GNB5: variants seen among roughly 807,000 people sequenced by gnomAD.
GNB5 encodes the protein guanine nucleotide-binding protein subunit beta-5.
Under a neutral mutation model 55.3 loss-of-function variants are expected in GNB5, and 37 were observed. The observed-to-expected ratio is 0.67, with a 90% CI of 0.51 to 0.88. The LOEUF (loss-of-function observed/expected upper bound fraction) is 0.88. Ranked by LOEUF, GNB5 falls within the 40% of genes least tolerant of loss-of-function variation. GNB5 has a pLI of 0.00. For missense variants in GNB5, 476 were observed against 515.3 expected (o/e 0.92, Z 0.74); for synonymous variants, 219 against 198.5 (o/e 1.10, Z -0.87).
chr15:52,165,433 A>G (rs899896560), intron 3 of GNB5, among the ~76,000 whole-genome samples: 5 of 152,204 alleles, frequency 3.3e-5, no homozygotes, highest in Non-Finnish European at 5.9e-5. Flanking sequence ...GACTGAAATG[A>G]AAGAAAAAAT....
chr15:52,159,975 TCTCA>T (rs1555407501), intron 3 of GNB5, among the ~76,000 whole-genome samples: 2 of 146,406 alleles, frequency 1.4e-5, no homozygotes, highest in Non-Finnish European at 1.5e-5. Flanking sequence ...TGAGATGGAG[TCTCA>T]CTCTGTTGCC....
At position 52,124,486 on chromosome 15, in the gene GNB5, T is replaced by G; in HGVS notation, c.1163A>C (p.Asp388Ala). 2 of 1,613,636 alleles carry G rather than the reference T, an allele frequency of 1.2e-6. No homozygotes were observed. Among genetic ancestry groups the G allele is most frequent in the Non-Finnish European group, 1.7e-6 (2 of 1,179,584 alleles). The change falls in exon 12 of 13, where the codon GAT (aspartate) becomes GCT (alanine). Residue 388 changes from aspartate (D) to alanine (A), a missense_variant. Coordinates refer to ENST00000261837, the MANE Select transcript of GNB5 (RefSeq NM_016194.4). The part of the protein sequence containing the change: ...DGTAFCSGSW[D>A]HTLRVWA ...CATCCCTCTTACTCTGAGGGTATGATCCCATGATCCAGAGCAGAAAGCAGT... is the reference window on the plus strand; with the variant it reads ...CATCCCTCTTACTCTGAGGGTATGAGCCCATGATCCAGAGCAGAAAGCAGT...
Position 52,128,379 on chromosome 15 carries a change from G to C in GNB5, c.864-135C>G, listed in dbSNP as rs1218901603. On this transcript the variant is annotated intron_variant, in intron 9 of 12. Coordinates refer to ENST00000261837, the MANE Select transcript of GNB5 (RefSeq NM_016194.4). ...ACATTTGCAGCAGAAGACGGAAGAG[G>C]AAGCTCCTATGTCAGGCCCACTGAT... is the stretch of plus-strand genomic sequence containing the variant. 9 of 670,226 alleles carry C rather than the reference G, an allele frequency of 1.3e-5. No individual in the cohort carries two copies. In the East Asian group the frequency reaches 2.4e-4, roughly 18 times the overall value. The allele number at this position is 670,226 out of a possible 1,614,324, so 41.5% of individuals were successfully genotyped here. A position where few individuals can be genotyped will look rare whatever the true frequency, so the allele number is the denominator to read the frequency against.
rs992430937 is a variant in GNB5, at chr15:52,121,827, C to T, written c.*930G>A. On this transcript the variant is annotated 3_prime_UTR_variant, in exon 13 of 13. Transcript: ENST00000261837. ...CACCGTGGTCTCGAACTCCTGACCT[C>T]GTGATCCGCCCGCCTCGGCCTCCCA... 2.0e-5 allele frequency: 3 copies of T among 152,048 alleles called. No homozygotes were observed. The highest frequency in any genetic ancestry group is 2.1e-4 in the South Asian group (1 of 4,824). 9.4% of individuals were successfully genotyped at this position (152,048 alleles called of 1,614,324 possible). A position where few individuals can be genotyped will look rare whatever the true frequency, so the allele number is the denominator to read the frequency against.
chr15:52,167,312 C>G (rs567954378), intron 3 of GNB5, among the ~76,000 whole-genome samples: 2 of 152,286 alleles, frequency 1.3e-5, no homozygotes, highest in East Asian at 3.9e-4. Context: ...AGGGACTCCT[C>G]CCTAACTCAT....
At chr15:52,159,117 A>G (rs1471458766) in intron 3 of GNB5, among the ~76,000 whole-genome samples, 5 of 152,226 alleles carry the variant, frequency 3.3e-5, no homozygotes, top group African/African-American at 1.2e-4. Flanking sequence ...TTTTTACATC[A>G]ATATTTTTTA....
chr15:52,169,773 G>C (rs757163860), intron 3 of GNB5, among the ~76,000 whole-genome samples: 5 of 152,018 alleles, frequency 3.3e-5, no homozygotes, highest in Middle Eastern at 3.2e-3. Context: ...CTACATCAGA[G>C]TGAAGGGACA....
intron 3 of GNB5, among the ~76,000 whole-genome samples, chr15:52,173,566 C>A (rs916222623): frequency 1.3e-5 from 2 of 152,102 alleles, no homozygotes; most frequent in African/African-American, 4.8e-5. Context: ...GTGTGACTGG[C>A]GATAGTGAGC....
chr15:52,148,150 G>A (rs1011817588), intron 5 of GNB5, among the ~76,000 whole-genome samples: 2 of 151,634 alleles, frequency 1.3e-5, no homozygotes, highest in Non-Finnish European at 2.9e-5. Context: ...TTCTTTGGAA[G>A]GTATGCCCAA....
rs977627428 is a variant in GNB5, at chr15:52,117,102, A to ATTTTTTTTTTTTTTTTTT, written c.*5654_*5655insAAAAAAAAAAAAAAAAAA. 2.3e-5 allele frequency: 2 copies of ATTTTTTTTTTTTTTTTTT among 87,102 alleles called. No homozygotes were observed. Among genetic ancestry groups the ATTTTTTTTTTTTTTTTTT allele is most frequent in the Admixed American group, 1.2e-4 (1 of 8,092 alleles). 5.4% of individuals were successfully genotyped at this position (87,102 alleles called of 1,614,324 possible). The stretch of plus-strand genomic sequence containing the variant: ...CCACGCCCAGCTAATATATATATAT[A>ATTTTTTTTTTTTTTTTTT]TTTTTTTTTAGTACAGACAGGGTTT... On this transcript the variant is annotated 3_prime_UTR_variant, in exon 13 of 13. Coordinates refer to ENST00000261837, the MANE Select transcript of GNB5 (RefSeq NM_016194.4).
At chr15:52,177,242 C>G (rs2034669786) in intron 3 of GNB5, among the ~76,000 whole-genome samples, 2 of 151,490 alleles carry the variant, frequency 1.3e-5, no homozygotes. Flanking sequence ...ACCATGTTGG[C>G]CAGGATGGTC....
chr15:52,122,500 A>G lies in GNB5; in HGVS notation c.*257T>C, dbSNP rs1334043754. On this transcript the variant is annotated 3_prime_UTR_variant, in exon 13 of 13. Coordinates refer to ENST00000261837, the MANE Select transcript of GNB5 (RefSeq NM_016194.4). ...TATAATTTAGAATAACCTTAAAAAC[A>G]GATACATTTTAAAAAGTGTTCCAAA... 6 of 472,676 alleles carry G rather than the reference A, an allele frequency of 1.3e-5. No homozygotes were observed. The highest frequency in any genetic ancestry group is 2.2e-5 in the Non-Finnish European group (6 of 267,826). 29.3% of individuals were successfully genotyped at this position (472,676 alleles called of 1,614,324 possible). A position where few individuals can be genotyped will look rare whatever the true frequency, so the allele number is the denominator to read the frequency against.
At chr15:52,175,873 ACT>A (rs1348791029) in intron 3 of GNB5, among the ~76,000 whole-genome samples, 5 of 151,974 alleles carry the variant, frequency 3.3e-5, no homozygotes, top group African/African-American at 9.7e-5. Context: ...ACACAGTGAA[ACT>A]CTGTCTCTAC....
At chr15:52,139,910 G>A in intron 7 of GNB5, 1 of 1,286,630 alleles carries the variant, frequency 7.8e-7, no homozygotes, top group South Asian at 1.2e-5. Flanking sequence ...TGATGGTCGT[G>A]GTAGCCCCCT....
intron 3 of GNB5, among the ~76,000 whole-genome samples, chr15:52,170,264 A>C (rs8029782): frequency 0.25 from 38,765 of 152,150 alleles, 5,510 homozygotes; most frequent in African/African-American, 0.36. Context: ...TACATGCACG[A>C]ATGTTCATTG....
chr15:52,130,052 C>A (rs56019577), intron 9 of GNB5, among the ~76,000 whole-genome samples: 2,700 of 152,252 alleles, frequency 0.018, 80 homozygotes, highest in African/African-American at 0.063. Flanking sequence ...CTCTACCAAC[C>A]AGCTGGAAAG....
chr15:52,171,886 A>G (rs947457430), intron 3 of GNB5, among the ~76,000 whole-genome samples: 1 of 152,228 alleles, frequency 6.6e-6, no homozygotes, highest in African/African-American at 2.4e-5. Context: ...TATCAAATTT[A>G]GTCTAGATTT....
At chr15:52,153,610 T>C (rs2034145612) in intron 4 of GNB5, among the ~76,000 whole-genome samples, 1 of 152,212 alleles carries the variant, frequency 6.6e-6, no homozygotes, top group South Asian at 2.1e-4. Context: ...TGAAAGAAAG[T>C]CATTGACAGA....
rs529233830 is a variant in GNB5, at chr15:52,168,852, A to G, written c.238+10916T>C. On this transcript the variant is annotated intron_variant, in intron 3 of 12. Transcript: ENST00000261837. Reference sequence around the variant, plus strand: ...TCATCTGATCTTTGATGAACCTGACAAAAACAAGCAATGGGGAAAGGATTC... The same window carrying G: ...TCATCTGATCTTTGATGAACCTGACGAAAACAAGCAATGGGGAAAGGATTC... Among the ~76,000 whole-genome samples, 38 of 152,340 alleles carry G rather than the reference A, an allele frequency of 2.5e-4. 2 individuals carry two copies. The highest frequency in any genetic ancestry group is 8.4e-4 in the African/African-American group (35 of 41,584).
Sources: gnomAD v4.1 joint callset for allele counts (sites outside exome capture counted in the v4.1 genomes callset) on GRCh38, gnomAD v4.1.1 for gene constraint, MANE v1.5 for transcripts, NCBI Gene and HGNC (gene_info 2026-07-23, HGNC 2026-07-21) for gene names.